TSPAN32: variants seen among roughly 807,000 people sequenced by gnomAD.
TSPAN32 encodes tetraspanin 32.
In TSPAN32, 47 loss-of-function variants were observed where a neutral mutation model predicts 42.7. The ratio of observed to expected loss-of-function variants is 1.10; its 90% confidence interval spans 0.87 to 1.40. The LOEUF (loss-of-function observed/expected upper bound fraction) is 1.40, where lower values mean the gene tolerates loss of function less well. Ranked by LOEUF, TSPAN32 falls within the 40% of genes most tolerant of loss-of-function variation. The probability of loss-of-function intolerance (pLI) is 0.00; values close to 1 mark genes in which losing one functional copy is unlikely to be tolerated. For synonymous variants in TSPAN32, 175 were observed against 175.9 expected (o/e 0.99, Z 0.04); for missense variants, 469 against 424.1 (o/e 1.11, Z -0.93).
At chr11:2,309,308 C>A (rs1460493469) in intron 4 of TSPAN32, 1 of 464,262 alleles carries the variant, frequency 2.2e-6, no homozygotes, top group South Asian at 1.6e-5. Context: ...CCTCCACCCC[C>A]TCCACGGAAC....
chr11:2,315,982 G>C (rs745857728), intron 6 of TSPAN32: 1 of 1,531,952 alleles, frequency 6.5e-7, no homozygotes, highest in African/African-American at 1.4e-5. Context: ...GCTGGGAGAC[G>C]GCACCGGCCG....
chr11:2,315,159 C>CAA, intron 6 of TSPAN32: 1 of 709,482 alleles, frequency 1.4e-6, no homozygotes, highest in Non-Finnish European at 1.9e-6. Flanking sequence ...CCCGGCAGCC[C>CAA]TCCCCCAGCC....
chr11:2,302,860 T>A lies in TSPAN32; in HGVS notation c.83T>A (p.Val28Glu). The A allele has an allele frequency of 6.2e-7, 1 of 1,613,528 alleles. No individual in the cohort carries two copies. The highest frequency in any genetic ancestry group is 8.5e-7 in the Non-Finnish European group (1 of 1,179,790). The change falls in exon 2 of 10, where the codon GTG (valine) becomes GAG (glutamate). Residue 28 changes from valine to glutamate, a missense_variant. Val to Glu is a moderately radical substitution (Grantham distance 121). Coordinates refer to ENST00000182290, the MANE Select transcript of TSPAN32 (RefSeq NM_139022.3). ...CFFILLLGLS[V>E]ATMVTLTYFG... is the part of the protein sequence containing the mutation. ...TATCCACAGCTGCTGGGCCTCTCTG[T>A]GGCCACCATGGTGACTCTTACCTAC... is the stretch of plus-strand genomic sequence containing the variant.
In TSPAN32 at chr11:2,316,219, C is replaced by T. The variant is rs1216832469; in HGVS notation, c.544-10C>T. On this transcript the variant is annotated splice_polypyrimidine_tract_variant and intron_variant, in intron 6 of 9. Transcript: ENST00000182290. ...TCAGGGCGGGTACCATGCCTGCTGC[C>T]CTCTCACAGGACTGCCTTCAGGGCA... 4 of 1,562,100 alleles carry T rather than the reference C, an allele frequency of 2.6e-6. No individual in the cohort carries two copies. The highest frequency in any genetic ancestry group is 3.5e-6 in the Non-Finnish European group (4 of 1,155,952).
intron 4 of TSPAN32, among the ~76,000 whole-genome samples, chr11:2,310,475 C>T (rs1304276095): frequency 2.0e-5 from 3 of 152,216 alleles, no homozygotes; most frequent in African/African-American, 7.2e-5. Context: ...CAGGGCCTTG[C>T]CTGACCCCAG....
At position 2,317,328 on chromosome 11, in the gene TSPAN32, TC is replaced by T. The variant is rs1156663773; in HGVS notation, c.720-12del. ...AGAACATTCCACCACAGCCCCATGATCCCCTTGCTCCTCAGAGCATGTGGCC... is the reference window on the plus strand; with the variant it reads ...AGAACATTCCACCACAGCCCCATGATCCCTTGCTCCTCAGAGCATGTGGCC... On this transcript the variant is annotated splice_polypyrimidine_tract_variant and intron_variant, in intron 8 of 9. Transcript: ENST00000182290. This position sits in a 1 kb window ranked among gnomAD's most constrained non-coding sequence, Gnocchi z 6.2. The T allele has an allele frequency of 2.5e-6, 4 of 1,574,756 alleles. No individual in the cohort carries two copies. The African/African-American group carries it at 5.4e-5, about 21-fold the overall frequency.
chr11:2,315,836 C>T (rs1415478552), intron 6 of TSPAN32: 1 of 1,360,138 alleles, frequency 7.4e-7, no homozygotes, highest in Admixed American at 2.2e-5. Flanking sequence ...GCTTCCTGCC[C>T]TCCCTGTTAG....
chr11:2,307,398 G>A lies in TSPAN32; in HGVS notation c.280-1338G>A, dbSNP rs60132901. 1.7e-3 allele frequency among the ~76,000 whole-genome samples: 258 copies of A among 152,306 alleles called. 2 individuals carry two copies. The highest frequency in any genetic ancestry group is 5.9e-3 in the African/African-American group (244 of 41,566). On this transcript the variant is annotated intron_variant, in intron 3 of 9. Transcript: ENST00000182290. ...GCTCCAGCCTGTGGACCACCCAGGC[G>A]GGCACAGTGCTGCCTGAGGGGGCTG...
At position 2,313,592 on chromosome 11, in the gene TSPAN32, AG is replaced by A; in HGVS notation, c.355-57del. Reference sequence around the variant, plus strand: ...CACTAGCGTTTGGGATGTCGTGGGGAGGGGGCTGTGTCCCCGGATCTCCCAC... The same window carrying A: ...CACTAGCGTTTGGGATGTCGTGGGGAGGGGCTGTGTCCCCGGATCTCCCAC... On this transcript the variant is annotated intron_variant, in intron 4 of 9. Coordinates refer to ENST00000182290, the MANE Select transcript of TSPAN32 (RefSeq NM_139022.3). This position sits in a 1 kb window ranked among gnomAD's most constrained non-coding sequence, Gnocchi z 9.1. The A allele has an allele frequency of 7.5e-7, 1 of 1,342,120 alleles. No individual in the cohort carries two copies. The highest frequency in any genetic ancestry group is 1.5e-5 in the African/African-American group (1 of 68,742). The allele number at this position is 1,342,120 out of a possible 1,614,324, so 83.1% of individuals were successfully genotyped here.
At position 2,302,232 on chromosome 11, in the gene TSPAN32, G is replaced by A. The variant is rs978507349; in HGVS notation, c.66+17G>A. ...TTTATCTTGGTAACAGGCAGGTCGGGCAGGAGTGGGTGGTGGGTGGGGGTG... is the reference window on the plus strand; with the variant it reads ...TTTATCTTGGTAACAGGCAGGTCGGACAGGAGTGGGTGGTGGGTGGGGGTG... On this transcript the variant is annotated intron_variant, in intron 1 of 9. Transcript: ENST00000182290. The A allele has an allele frequency of 7.9e-6, 11 of 1,392,098 alleles. No individual in the cohort carries two copies. In the African/African-American group the frequency reaches 8.8e-5, roughly 11 times the overall value. The allele number at this position is 1,392,098 out of a possible 1,614,324, so 86.2% of individuals were successfully genotyped here. A position where few individuals can be genotyped will look rare whatever the true frequency, so the allele number is the denominator to read the frequency against.
chr11:2,307,720 G>A (rs1848201926), intron 3 of TSPAN32, among the ~76,000 whole-genome samples: 1 of 152,170 alleles, frequency 6.6e-6, no homozygotes, highest in Non-Finnish European at 1.5e-5. Flanking sequence ...GCAAGTGCCG[G>A]GGGCGGGTGC....
chr11:2,311,053 C>T (rs1848429524), intron 4 of TSPAN32, among the ~76,000 whole-genome samples: 1 of 152,242 alleles, frequency 6.6e-6, no homozygotes, highest in African/African-American at 2.4e-5. Flanking sequence ...AGCCGGGGGC[C>T]CAGAGCCCAG....
In TSPAN32 at chr11:2,313,618, C is replaced by T. The variant is rs1848603679; in HGVS notation, c.355-36C>T. 1.9e-6 allele frequency: 3 copies of T among 1,545,366 alleles called. No homozygotes were observed. The highest frequency in any genetic ancestry group is 2.6e-6 in the Non-Finnish European group (3 of 1,136,914). Reference sequence around the variant, plus strand: ...GGGGGCTGTGTCCCCGGATCTCCCACCAGGGCCAGGACCTCCCTGTGGTCT... The same window carrying T: ...GGGGGCTGTGTCCCCGGATCTCCCATCAGGGCCAGGACCTCCCTGTGGTCT... On this transcript the variant is annotated intron_variant, in intron 4 of 9. Transcript: ENST00000182290. This position sits in a 1 kb window ranked among gnomAD's most constrained non-coding sequence, Gnocchi z 9.1.
At chr11:2,316,207 C>T in intron 6 of TSPAN32, 22 bp from the exon 7 acceptor site, 1 of 1,543,104 alleles carries the variant, frequency 6.5e-7, no homozygotes. Flanking sequence ...GGGCGGGTAC[C>T]ATGCCTGCTG....
At position 2,313,686 on chromosome 11, in the gene TSPAN32, G is replaced by T; in HGVS notation, c.387G>T (p.Leu129=). 6.2e-7 allele frequency: 1 copy of T among 1,609,070 alleles called. No homozygotes were observed. ...VEDAMLDTYD[L]VYEQAMKGTS... Reference sequence around the variant, plus strand: ...ACGCCATGCTGGACACCTACGACCTGGTATATGAGCAGGCGATGAAAGGTA... The same window carrying T: ...ACGCCATGCTGGACACCTACGACCTTGTATATGAGCAGGCGATGAAAGGTA... The change falls in exon 5 of 10, where the codon CTG becomes CTT. Residue 129 remains leucine (L), a synonymous_variant. Transcript: ENST00000182290. This position sits in a 1 kb window ranked among gnomAD's most constrained non-coding sequence, Gnocchi z 9.1.
Position 2,317,807 on chromosome 11 carries a change from G to GT in TSPAN32, c.902-55dup. The GT allele has an allele frequency of 6.2e-7, 1 of 1,601,872 alleles. No individual in the cohort carries two copies. Among genetic ancestry groups the GT allele is most frequent in the Non-Finnish European group, 8.5e-7 (1 of 1,175,738 alleles). On this transcript the variant is annotated intron_variant, in intron 9 of 9. Transcript: ENST00000182290. This position sits in a 1 kb window ranked among gnomAD's most constrained non-coding sequence, Gnocchi z 6.2. Reference sequence around the variant, plus strand: ...AAGCTGCACTGGTTTTCTATGCTGCGTAAGAAGCAGCATGGATGTAAGGAC... The same window carrying GT: ...AAGCTGCACTGGTTTTCTATGCTGCGTTAAGAAGCAGCATGGATGTAAGGAC...
At position 2,305,906 on chromosome 11, in the gene TSPAN32, A is replaced by C. The variant is rs370691713; in HGVS notation, c.279+1702A>C. ...CCACAGCAGGGAGCTGGGAGACCCC[A>C]GTCAAGAGACCTGCTCCATTGAGCT... On this transcript the variant is annotated intron_variant, in intron 3 of 9. Coordinates refer to ENST00000182290, the MANE Select transcript of TSPAN32 (RefSeq NM_139022.3). Among the ~76,000 whole-genome samples the C allele has an allele frequency of 3.3e-5, 5 of 152,358 alleles. No individual in the cohort carries two copies. In the East Asian group the frequency reaches 5.8e-4, roughly 18 times the overall value.
At chr11:2,309,395 G>C (rs745352695) in intron 4 of TSPAN32, 1 of 467,682 alleles carries the variant, frequency 2.1e-6, no homozygotes, top group South Asian at 1.5e-5. Context: ...CAGGGGCCAA[G>C]GGCGTCCCCG....
intron 6 of TSPAN32, chr11:2,316,021 G>T: frequency 6.5e-7 from 1 of 1,534,512 alleles, no homozygotes; most frequent in Non-Finnish European, 8.7e-7. Context: ...AGTGCCCACA[G>T]AGGCCAGCCC....
Sources: gnomAD v4.1 joint callset for allele counts (sites outside exome capture counted in the v4.1 genomes callset) on GRCh38, gnomAD v4.1.1 for gene constraint, Gnocchi (gnomAD v3.1) non-coding constraint, MANE v1.5 for transcripts, NCBI Gene and HGNC (gene_info 2026-07-23, HGNC 2026-07-21) for gene names.